Variants in OGN observed in about 807,000 individuals in gnomAD.
OGN encodes mimecan.
Under a neutral mutation model 30.8 loss-of-function variants are expected in OGN, and 19 were observed. The observed-to-expected ratio is 0.62, with a 90% CI of 0.43 to 0.90. The LOEUF is 0.90. Among genes scored for constraint, OGN ranks in the 40% least tolerant of loss-of-function variants. The pLI is 0.00. For missense variants in OGN, 283 were observed against 349.7 expected, an observed-to-expected ratio of 0.81 and a Z score of 1.52; for synonymous variants, 126 against 128.3, an observed-to-expected ratio of 0.98 and a Z score of 0.12.
intron 5 of OGN, among the ~76,000 whole-genome samples, chr9:92,387,139 A>C (rs1185912787): frequency 1.3e-5 from 2 of 151,624 alleles, no homozygotes; most frequent in African/African-American, 4.8e-5. Context: ...TTGAGAGGTC[A>C]ATGTGGGTGG....
chr9:92,394,970 CTG>C (rs1278688531), intron 3 of OGN, among the ~76,000 whole-genome samples: 1 of 152,132 alleles, frequency 6.6e-6, no homozygotes, highest in Non-Finnish European at 1.5e-5. Flanking sequence ...AAGTCATAAT[CTG>C]TGTTTATTTT....
chr9:92,400,214 G>A (rs557502399), intron 3 of OGN, among the ~76,000 whole-genome samples: 9 of 152,102 alleles, frequency 5.9e-5, no homozygotes, highest in African/African-American at 2.2e-4. Context: ...ACAATGGCAC[G>A]ACCTCGGCTC....
intron 4 of OGN, among the ~76,000 whole-genome samples, chr9:92,391,673 A>C (rs2130898860): frequency 6.6e-6 from 1 of 152,274 alleles, no homozygotes; most frequent in South Asian, 2.1e-4. Flanking sequence ...AAATGTGAAA[A>C]ACATGTCGTT....
intron 4 of OGN, among the ~76,000 whole-genome samples, chr9:92,392,352 G>T (rs552002012): frequency 2.0e-5 from 3 of 152,304 alleles, no homozygotes; most frequent in African/African-American, 7.2e-5. Context: ...TGCCGGGCAT[G>T]GTGGCTCACG....
At chr9:92,395,457 A>C (rs966061586) in intron 3 of OGN, among the ~76,000 whole-genome samples, 7 of 152,116 alleles carry the variant, frequency 4.6e-5, no homozygotes, top group African/African-American at 7.2e-5. Context: ...CCAGGTTTTC[A>C]CTATTTCAAA....
At chr9:92,393,002 G>A (rs1383174500) in intron 4 of OGN, 84 bp downstream of exon 4, 23 of 1,070,408 alleles carry the variant, frequency 2.1e-5, no homozygotes, top group Non-Finnish European at 2.9e-5. Flanking sequence ...AATGTGATAG[G>A]CAGCAACTAT....
intron 5 of OGN, among the ~76,000 whole-genome samples, chr9:92,386,804 G>A (rs780983330): frequency 5.9e-5 from 9 of 151,956 alleles, no homozygotes; most frequent in Admixed American, 1.3e-4. Context: ...GTATGGTATC[G>A]ATTTCCTGAC....
chr9:92,398,765 C>A (rs997286570), intron 3 of OGN, among the ~76,000 whole-genome samples: 3 of 152,120 alleles, frequency 2.0e-5, no homozygotes, highest in Non-Finnish European at 4.4e-5. Flanking sequence ...TGGAGTATAT[C>A]ATCAAGGTAA....
chr9:92,396,390 C>A (rs1182648815), intron 3 of OGN, among the ~76,000 whole-genome samples: 2 of 151,094 alleles, frequency 1.3e-5, no homozygotes, highest in African/African-American at 4.9e-5. Context: ...AAAAAAAAAA[C>A]CTATTAGGAT....
intron 3 of OGN, among the ~76,000 whole-genome samples, chr9:92,400,316 A>AT (rs1399198396): frequency 2.6e-5 from 4 of 151,836 alleles, no homozygotes; most frequent in Non-Finnish European, 4.4e-5. Flanking sequence ...CGCCTGGCTA[A>AT]TTTTTTGTAT....
intron 5 of OGN, among the ~76,000 whole-genome samples, chr9:92,387,331 G>T (rs1842474468): frequency 6.6e-6 from 1 of 151,270 alleles, no homozygotes; most frequent in South Asian, 2.1e-4. Context: ...AGCCGAGATT[G>T]TGCCACTGCA....
chr9:92,398,026 G>A (rs909763259), intron 3 of OGN, among the ~76,000 whole-genome samples: 9 of 152,022 alleles, frequency 5.9e-5, no homozygotes, highest in Non-Finnish European at 8.8e-5. Context: ...CTGACAGTGC[G>A]GAACCTGGCT....
chr9:92,394,549 C>T (rs1240840454), intron 3 of OGN, among the ~76,000 whole-genome samples: 1 of 151,706 alleles, frequency 6.6e-6, no homozygotes, highest in East Asian at 1.9e-4. Flanking sequence ...TCACACCTGA[C>T]CTATTTTGAT....
chr9:92,384,417 A>G lies in OGN; in HGVS notation c.*1203T>C, dbSNP rs998184754. 1.3e-5 allele frequency: 2 copies of G among 152,178 alleles called. No homozygotes were observed. Among genetic ancestry groups the G allele is most frequent in the African/African-American group, 2.4e-5 (1 of 41,462 alleles). 9.4% of individuals were successfully genotyped at this position (152,178 alleles called of 1,614,324 possible). A position where few individuals can be genotyped will look rare whatever the true frequency, so the allele number is the denominator to read the frequency against. ...ATAATGTTTGTACTTTTACTTACAC[A>G]GTCCGGACTCATGTTTCTAAAACAC... On this transcript the variant is annotated 3_prime_UTR_variant, in exon 7 of 7. Coordinates refer to ENST00000375561, the MANE Select transcript of OGN (RefSeq NM_014057.5).
At chr9:92,385,812 A>G (rs946099759) in intron 6 of OGN, 22 bp from the exon 7 acceptor site, 4 of 1,613,306 alleles carry the variant, frequency 2.5e-6, no homozygotes, top group Non-Finnish European at 1.7e-6. Context: ...CGAGGAAAAC[A>G]TTGTTCAGAA....
At chr9:92,400,429 G>A (rs1316460853) in intron 3 of OGN, among the ~76,000 whole-genome samples, 1 of 152,156 alleles carries the variant, frequency 6.6e-6, no homozygotes, top group Non-Finnish European at 1.5e-5. Flanking sequence ...GATTACAGGC[G>A]TGAGCCACCA....
chr9:92,393,975 G>GTTTC (rs1254718125), intron 3 of OGN, among the ~76,000 whole-genome samples: 2 of 152,020 alleles, frequency 1.3e-5, no homozygotes, highest in Non-Finnish European at 2.9e-5. Context: ...TATTTGCCAT[G>GTTTC]TTTCTCACTG....
intron 1 of OGN, 100 bp downstream of exon 1, chr9:92,404,396 C>T: frequency 1.3e-6 from 1 of 740,854 alleles, no homozygotes; most frequent in Non-Finnish European, 1.9e-6. Flanking sequence ...GTAACTGAAA[C>T]TTAAACCAGA....
intron 5 of OGN, among the ~76,000 whole-genome samples, chr9:92,388,158 A>G (rs1312381858): frequency 6.6e-6 from 1 of 151,202 alleles, no homozygotes; most frequent in African/African-American, 2.4e-5. Context: ...TGAAATGTTG[A>G]TCAGCTCCTT....
Sources: gnomAD v4.1 joint callset for allele counts (sites outside exome capture counted in the v4.1 genomes callset) on GRCh38, gnomAD v4.1.1 for gene constraint, MANE v1.5 for transcripts, NCBI Gene and HGNC (gene_info 2026-07-23, HGNC 2026-07-21) for gene names.